The following SLC38A6 variants were observed in gnomAD, a reference collection of about 807,000 sequenced individuals.
SLC38A6 encodes the protein N system amino acid transporter NAT-1.
SLC38A6 carries 73 observed loss-of-function variants against 65.0 expected under a neutral mutation model. The ratio of observed to expected loss-of-function variants is 1.12; its 90% CI spans 0.93 to 1.37. SLC38A6 has a LOEUF of 1.37. Among genes scored for constraint, SLC38A6 ranks in the 40% most tolerant of loss-of-function variants. SLC38A6 has a pLI of 0.00. For missense variants in SLC38A6, 561 were observed against 531.1 expected (o/e 1.06, Z -0.55); for synonymous variants, 183 against 178.8 (o/e 1.02, Z -0.19).
chr14:61,061,077 G>T (rs376703736), intron 15 of SLC38A6, among the ~76,000 whole-genome samples: 1 of 151,982 alleles, frequency 6.6e-6, no homozygotes, highest in African/African-American at 2.4e-5. Context: ...GAAATCACCC[G>T]TCTTCTGCGT....
intron 3 of SLC38A6, among the ~76,000 whole-genome samples, chr14:60,992,311 A>T (rs140590931): frequency 1.4e-3 from 217 of 152,244 alleles, no homozygotes; most frequent in African/African-American, 4.9e-3. Flanking sequence ...AATGGCTCAA[A>T]TGTGCTCCTC....
chr14:61,036,593 G>A (rs1001848651), intron 6 of SLC38A6, among the ~76,000 whole-genome samples: 7 of 151,866 alleles, frequency 4.6e-5, no homozygotes, highest in African/African-American at 1.7e-4. Context: ...CATGTTCTAC[G>A]GAACTTAAAT....
chr14:61,014,490 C>T (rs1378474158), intron 3 of SLC38A6, among the ~76,000 whole-genome samples: 2 of 152,144 alleles, frequency 1.3e-5, no homozygotes, highest in African/African-American at 4.8e-5. Context: ...TTTTTCTGCT[C>T]TGTTTTTTCC....
intron 2 of SLC38A6, among the ~76,000 whole-genome samples, chr14:60,983,282 C>T (rs1250964800): frequency 1.3e-5 from 2 of 152,152 alleles, no homozygotes; most frequent in Non-Finnish European, 2.9e-5. Flanking sequence ...CTGGAACCCA[C>T]GAGTTTGAGA....
intron 6 of SLC38A6, among the ~76,000 whole-genome samples, chr14:61,036,341 G>A (rs774591721): frequency 1.2e-4 from 18 of 150,116 alleles, no homozygotes; most frequent in Admixed American, 2.7e-4. Context: ...TGTTCTTCAG[G>A]AACAGAAAAC....
At chr14:61,030,398 T>C in intron 5 of SLC38A6, 47 bp from the exon 6 acceptor site, 2 of 1,406,400 alleles carry the variant, frequency 1.4e-6, no homozygotes, top group Non-Finnish European at 2.0e-6. Context: ...GTTTAAATGG[T>C]TAAGAATCAT....
At chr14:61,079,442 C>T (rs1361142834) in intron 16 of SLC38A6, among the ~76,000 whole-genome samples, 1 of 151,938 alleles carries the variant, frequency 6.6e-6, no homozygotes, top group East Asian at 1.9e-4. Flanking sequence ...CGGCCTCCTG[C>T]CTCCAAACTT....
chr14:60,992,083 T>C (rs1345436283), intron 3 of SLC38A6, among the ~76,000 whole-genome samples: 1 of 152,226 alleles, frequency 6.6e-6, no homozygotes. Context: ...ACCAGCAGTC[T>C]CTACCCCACC....
intron 3 of SLC38A6, among the ~76,000 whole-genome samples, chr14:61,010,318 T>G (rs537418000): frequency 1.5e-3 from 223 of 151,482 alleles, no homozygotes; most frequent in African/African-American, 5.1e-3. Flanking sequence ...TTTTCTCCCA[T>G]TTTGTAGGTT....
Position 60,984,767 on chromosome 14 carries a change from T to C in SLC38A6, c.274T>C (p.Ser92Pro). Residue 92 changes from serine (S) to proline (P), a missense_variant, in exon 3 of 16, where the codon TCA (serine) becomes CCA (proline). By Grantham distance (74) the Ser-to-Pro change is moderately conservative. Transcript: ENST00000267488. ...LLTVALLASYSVHLLLSMCIQ... is the reference protein window; with the variant it reads ...LLTVALLASYPVHLLLSMCIQ... ...GACAGTTGCTCTCCTGGCTTCTTACTCAGTCCATCTTCTGCTTAGTATGTG... is the reference window on the plus strand; with the variant it reads ...GACAGTTGCTCTCCTGGCTTCTTACCCAGTCCATCTTCTGCTTAGTATGTG... 6.2e-7 allele frequency: 1 copy of C among 1,614,004 alleles called. No homozygotes were observed. The highest frequency in any genetic ancestry group is 8.5e-7 in the Non-Finnish European group (1 of 1,179,912).
At chr14:61,017,039 GT>G in intron 4 of SLC38A6, among the ~76,000 whole-genome samples, 1 of 152,188 alleles carries the variant, frequency 6.6e-6, no homozygotes, top group African/African-American at 2.4e-5. Flanking sequence ...CTTTGGTGGA[GT>G]TTTTTGTTTT....
intron 15 of SLC38A6, among the ~76,000 whole-genome samples, chr14:61,072,994 C>G (rs914079873): frequency 6.6e-6 from 1 of 152,156 alleles, no homozygotes; most frequent in Non-Finnish European, 1.5e-5. Flanking sequence ...ACATCCCCCC[C>G]AACAGTGCAT....
intron 3 of SLC38A6, among the ~76,000 whole-genome samples, chr14:61,014,979 AGG>A (rs1566653850): frequency 1.3e-5 from 2 of 152,136 alleles, no homozygotes; most frequent in Non-Finnish European, 2.9e-5. Context: ...CTGCCCCTAG[AGG>A]TGGAGTCTAC....
intron 16 of SLC38A6, among the ~76,000 whole-genome samples, chr14:61,081,806 G>C (rs1413281142): frequency 6.6e-6 from 1 of 152,148 alleles, no homozygotes; most frequent in Non-Finnish European, 1.5e-5. Flanking sequence ...TTTTACAGAT[G>C]ACAAGACAGG....
intron 10 of SLC38A6, 66 bp from the exon 11 acceptor site, chr14:61,045,280 T>C: frequency 2.0e-6 from 2 of 1,015,210 alleles, no homozygotes; most frequent in Non-Finnish European, 3.1e-6. Flanking sequence ...GAGTTTGTTG[T>C]CAAATGAAAT....
intron 3 of SLC38A6, among the ~76,000 whole-genome samples, chr14:61,003,077 G>C (rs1335146016): frequency 6.6e-6 from 1 of 151,950 alleles, no homozygotes; most frequent in Non-Finnish European, 1.5e-5. Context: ...CTAAACACCA[G>C]AGAAAATTAA....
At chr14:61,004,597 T>A (rs1342138934) in intron 3 of SLC38A6, 2 of 152,132 alleles carry the variant, frequency 1.3e-5, no homozygotes, top group Non-Finnish European at 2.9e-5. Context: ...AAGAAATGGA[T>A]AAATTCCTTG....
intron 16 of SLC38A6, among the ~76,000 whole-genome samples, chr14:61,081,583 G>T (rs1253350469): frequency 6.6e-6 from 1 of 152,060 alleles, no homozygotes; most frequent in African/African-American, 2.4e-5. Flanking sequence ...TACTCAGGAG[G>T]TGGAGGCAGG....
At chr14:61,000,242 T>C (rs2038611667) in intron 3 of SLC38A6, among the ~76,000 whole-genome samples, 1 of 152,176 alleles carries the variant, frequency 6.6e-6, no homozygotes, top group Admixed American at 6.5e-5. Context: ...GATACATGGG[T>C]GATGAATAGA....
Sources: allele counts gnomAD v4.1 joint callset (sites outside exome capture counted in the v4.1 genomes callset), GRCh38; gene constraint gnomAD v4.1.1; transcripts MANE v1.5; gene names NCBI Gene and HGNC (gene_info 2026-07-23, HGNC 2026-07-21).